Variants in PPFIA1 observed in about 807,000 individuals in gnomAD.
PPFIA1 encodes liprin-alpha-1.
A neutral mutation model predicts 149.9 loss-of-function variants in PPFIA1; 25 were observed. That is an observed-to-expected ratio of 0.17 (90% CI 0.12 to 0.23). The LOEUF (loss-of-function observed/expected upper bound fraction) is 0.23, where lower values mean the gene tolerates loss of function less well. Ranked by LOEUF, PPFIA1 falls within the 10% of genes least tolerant of loss-of-function variation. The pLI, the probability that PPFIA1 is intolerant of heterozygous loss-of-function variation, is 1.00. For synonymous variants in PPFIA1, 549 were observed against 552.8 expected (o/e 0.99, Z 0.10); for missense variants, 1,362 against 1,506.5 (o/e 0.90, Z 1.59).
intron 2 of PPFIA1, chr11:70,284,189 A>G: frequency 2.4e-6 from 1 of 409,732 alleles, no homozygotes; most frequent in South Asian, 1.9e-5. Flanking sequence ...CTGAGAATAA[A>G]TACTAATGAC....
At chr11:70,382,534 C>G (rs1005978361) in intron 27 of PPFIA1, among the ~76,000 whole-genome samples, 3 of 151,940 alleles carry the variant, frequency 2.0e-5, no homozygotes, top group Non-Finnish European at 4.4e-5. Flanking sequence ...TGCTGTGATT[C>G]CTAAGCTTGC....
chr11:70,277,781 C>T (rs553104990), intron 2 of PPFIA1, among the ~76,000 whole-genome samples: 4 of 151,642 alleles, frequency 2.6e-5, no homozygotes, highest in Admixed American at 6.6e-5. Context: ...TGAGCCACTG[C>T]GCCCAGCCTA....
At chr11:70,309,647 T>TTCTC (rs2053125782) in intron 2 of PPFIA1, among the ~76,000 whole-genome samples, 2 of 149,812 alleles carry the variant, frequency 1.3e-5, no homozygotes, top group East Asian at 3.9e-4. Flanking sequence ...AAAAAAAAAG[T>TTCTC]TTTCCAAAAA....
chr11:70,368,125 G>A (rs776357456), intron 21 of PPFIA1, among the ~76,000 whole-genome samples: 7 of 152,144 alleles, frequency 4.6e-5, no homozygotes, highest in Non-Finnish European at 7.4e-5. Flanking sequence ...GTGACAGAGC[G>A]AGACCCTGTC....
intron 2 of PPFIA1, among the ~76,000 whole-genome samples, chr11:70,303,601 C>T (rs372563102): frequency 6.6e-6 from 1 of 152,202 alleles, no homozygotes; most frequent in Non-Finnish European, 1.5e-5. Flanking sequence ...GCCCTGGCCC[C>T]TGGCACAGAG....
intron 23 of PPFIA1, 193 bp from the exon 24 acceptor site, chr11:70,374,725 G>T (rs499484): frequency 0.21 from 114,394 of 537,996 alleles, 13,049 homozygotes; most frequent in South Asian, 0.26. Context: ...GTCTCCCTGA[G>T]AGTGGAGCAG....
At chr11:70,288,394 C>T (rs555421444) in intron 2 of PPFIA1, among the ~76,000 whole-genome samples, 8 of 152,062 alleles carry the variant, frequency 5.3e-5, no homozygotes, top group African/African-American at 1.4e-4. Context: ...TGTATCCCTT[C>T]GAGGCTCACA....
chr11:70,290,245 T>A lies in PPFIA1; in HGVS notation c.264+17809T>A, dbSNP rs77078595. On this transcript the variant is annotated intron_variant, in intron 2 of 27. Transcript: ENST00000253925. ...ACCTTGTGTAAAAAAAAAAAGTTTA[T>A]TATTTTTCAAACACACAAAACATTT... Among the ~76,000 whole-genome samples, 912 of 152,214 alleles carry A rather than the reference T, an allele frequency of 6.0e-3. 10 individuals carry two copies. Among genetic ancestry groups the A allele is most frequent in the African/African-American group, 0.02 (824 of 41,550 alleles).
intron 26 of PPFIA1, 106 bp from the exon 27 acceptor site, chr11:70,381,982 C>T: frequency 2.1e-6 from 2 of 939,336 alleles, no homozygotes; most frequent in South Asian, 1.5e-5. Context: ...CCTCCGTAGG[C>T]ACTGCTGTAG....
Position 70,374,942 on chromosome 11 carries a change from G to A in PPFIA1, c.3164G>A (p.Arg1055Gln), listed in dbSNP as rs768838414. 9.3e-6 allele frequency: 15 copies of A among 1,610,812 alleles called. No individual in the cohort carries two copies. In the Admixed American group the frequency reaches 1.0e-4, roughly 11 times the overall value. Residue 1055 changes from arginine (R) to glutamine (Q), a missense_variant, in exon 24 of 28, where the codon CGA (arginine) becomes CAA (glutamine). Arg to Gln is a conservative substitution (Grantham distance 43). This residue lies in a region of PPFIA1 where 349 missense variants were observed against 373.3 expected (regional missense o/e 0.93). Coordinates refer to ENST00000253925, the MANE Select transcript of PPFIA1 (RefSeq NM_003626.5). Reference sequence around the variant, plus strand: ...GACGTGCTTGTTTGGAGCAATGATCGAGTGATTCGCTGGATCCTGTCAATT... The same window carrying A: ...GACGTGCTTGTTTGGAGCAATGATCAAGTGATTCGCTGGATCCTGTCAATT... ...IKDVLVWSNDRVIRWILSIGL... is the reference protein window; with the variant it reads ...IKDVLVWSNDQVIRWILSIGL...
intron 22 of PPFIA1, 29 bp from the exon 23 acceptor site, chr11:70,372,448 C>G (rs759831069): frequency 6.2e-7 from 1 of 1,612,554 alleles, no homozygotes; most frequent in African/African-American, 1.3e-5. Flanking sequence ...GTTACCATCT[C>G]TAAATCATCT....
chr11:70,293,477 G>A (rs1396885621), intron 2 of PPFIA1, among the ~76,000 whole-genome samples: 1 of 152,208 alleles, frequency 6.6e-6, no homozygotes, highest in African/African-American at 2.4e-5. Flanking sequence ...CAATAGAGAA[G>A]CAAATAAAAC....
intron 2 of PPFIA1, among the ~76,000 whole-genome samples, chr11:70,305,384 C>CT (rs558626159): frequency 8.6e-5 from 13 of 151,262 alleles, no homozygotes; most frequent in African/African-American, 2.7e-4. Flanking sequence ...TATTTTACTT[C>CT]TTTTTTTTTG....
chr11:70,367,487 G>A (rs1023289167), intron 21 of PPFIA1: 1 of 455,862 alleles, frequency 2.2e-6, no homozygotes, highest in Non-Finnish European at 4.4e-6. Context: ...GAGTTCATAA[G>A]ACTGGGTTGT....
intron 24 of PPFIA1, 119 bp from the exon 25 acceptor site, chr11:70,376,413 C>A: frequency 1.0e-6 from 1 of 997,380 alleles, no homozygotes. Flanking sequence ...AGGCGTGAGC[C>A]ACCAGACCCA....
chr11:70,382,961 C>T (rs1002863293), intron 27 of PPFIA1, 42 bp from the exon 28 acceptor site: 24 of 374,898 alleles, frequency 6.4e-5, no homozygotes, highest in African/African-American at 2.7e-4. Context: ...CAGTATGGCC[C>T]GGCCTGTACT....
intron 2 of PPFIA1, chr11:70,321,442 C>A (rs1372529643): frequency 6.6e-6 from 1 of 152,160 alleles, no homozygotes; most frequent in Non-Finnish European, 1.5e-5. Context: ...AATACACATC[C>A]TCACAGAGCT....
In PPFIA1 at chr11:70,324,945, C is replaced by T; in HGVS notation, c.465C>T (p.Ser155=). ...AAGCGCAGTCTCCAGCAGGCGTGTC[C>T]AGCGAAGTGGAAGTGCTGAAAGCAC... ...KRQAQSPAGV[S]SEVEVLKALK... Residue 155 remains serine (S), a synonymous_variant, in exon 4 of 28, where the codon TCC becomes TCT. Transcript: ENST00000253925. 1 of 1,614,048 alleles carries T rather than the reference C, an allele frequency of 6.2e-7. No individual in the cohort carries two copies. The highest frequency in any genetic ancestry group is 1.1e-5 in the South Asian group (1 of 91,070).
intron 2 of PPFIA1, among the ~76,000 whole-genome samples, chr11:70,304,537 G>A (rs1270205216): frequency 6.6e-6 from 1 of 152,186 alleles, no homozygotes; most frequent in Non-Finnish European, 1.5e-5. Flanking sequence ...AGCTGCTGCA[G>A]CAAATTTAAT....
Sources: allele counts gnomAD v4.1 joint callset (sites outside exome capture counted in the v4.1 genomes callset), GRCh38; gene constraint gnomAD v4.1.1; regional missense constraint gnomAD v4.1.1; transcripts MANE v1.5; gene names NCBI Gene and HGNC (gene_info 2026-07-23, HGNC 2026-07-21).